DCAF6: variants seen among roughly 807,000 people sequenced by gnomAD.
DCAF6 encodes the protein DDB1 and CUL4 associated factor 6, also known as DDB1- and CUL4-associated factor 6.
DCAF6 carries 54 observed loss-of-function variants against 125.1 expected under a neutral mutation model. The ratio of observed to expected loss-of-function variants is 0.43; its 90% CI spans 0.35 to 0.54. The LOEUF (loss-of-function observed/expected upper bound fraction) is 0.54. Among genes scored for constraint, DCAF6 ranks in the 20% least tolerant of loss-of-function variants. The pLI is 0.01. For synonymous variants in DCAF6, 371 were observed against 390.4 expected, an observed-to-expected ratio of 0.95 and a Z score of 0.58; for missense variants, 934 against 1,161.7, an observed-to-expected ratio of 0.80 and a Z score of 2.85.
chr1:168,029,996 AAAG>A (rs1686858145), intron 12 of DCAF6, among the ~76,000 whole-genome samples: 1 of 151,976 alleles, frequency 6.6e-6, no homozygotes, highest in South Asian at 2.1e-4. Flanking sequence ...AAAAAAAAGA[AAAG>A]AAACATGTCT....
chr1:168,008,489 C>G (rs1683680830), intron 10 of DCAF6, among the ~76,000 whole-genome samples: 1 of 152,136 alleles, frequency 6.6e-6, no homozygotes, highest in Non-Finnish European at 1.5e-5. Flanking sequence ...ATCTCACCAT[C>G]ATTTCTTGTC....
At chr1:167,972,214 T>G (rs1677441612) in intron 3 of DCAF6, among the ~76,000 whole-genome samples, 1 of 152,252 alleles carries the variant, frequency 6.6e-6, no homozygotes, top group African/African-American at 2.4e-5. Flanking sequence ...TCAGCCTTAT[T>G]GCTGTTTATC....
intron 12 of DCAF6, among the ~76,000 whole-genome samples, chr1:168,033,461 G>A (rs1399588699): frequency 2.0e-5 from 3 of 151,872 alleles, no homozygotes; most frequent in African/African-American, 7.3e-5. Flanking sequence ...GACTACAGGC[G>A]CCCGCCACCG....
the DCAF6 span, among the ~76,000 whole-genome samples, chr1:167,868,459 A>C: frequency 6.6e-6 from 1 of 152,194 alleles, no homozygotes; most frequent in African/African-American, 2.4e-5. Context: ...TACCACAAAA[A>C]CAGTTACATG....
In DCAF6 at chr1:168,004,598, A is replaced by G. The variant is rs1369796195; in HGVS notation, c.1183A>G (p.Ser395Gly). The stretch of plus-strand genomic sequence containing the variant: ...CCCATCAAGTCCTGATTTGGAAGTG[A>G]GTGAAACTGCAATGGAAGTAGATAC... ...TVPSSPDLEV[S>G]ETAMEVDTPA... The change falls in exon 10 of 22, where the codon AGT becomes GGT. Residue 395 changes from serine (S) to glycine (G), a missense_variant. Transcript: ENST00000367840. 6 of 1,612,176 alleles carry G rather than the reference A, an allele frequency of 3.7e-6. No individual in the cohort carries two copies. Among genetic ancestry groups the G allele is most frequent in the Admixed American group, 1.7e-5 (1 of 59,548 alleles).
chr1:167,900,232 CTG>C, the DCAF6 span, among the ~76,000 whole-genome samples: 1 of 152,198 alleles, frequency 6.6e-6, no homozygotes, highest in East Asian at 1.9e-4. Context: ...TTTCAAATGA[CTG>C]TAATACAATC....
intron 9 of DCAF6, 71 bp from the exon 10 acceptor site, chr1:168,004,462 C>CAT: frequency 7.0e-7 from 1 of 1,425,320 alleles, no homozygotes. Context: ...GTTTTCTGAG[C>CAT]ATATCTGTTT....
At chr1:167,951,228 A>G (rs1435048129) in intron 1 of DCAF6, among the ~76,000 whole-genome samples, 1 of 152,214 alleles carries the variant, frequency 6.6e-6, no homozygotes, top group Non-Finnish European at 1.5e-5. Flanking sequence ...AAATGAAGAA[A>G]TGTACGAGTG....
intron 10 of DCAF6, among the ~76,000 whole-genome samples, chr1:168,009,461 T>TCTCC (rs1553232969): frequency 4.3e-5 from 6 of 140,808 alleles, no homozygotes; most frequent in South Asian, 2.3e-4. Context: ...TGTCTCTCTC[T>TCTCC]CTTCCTTCCT....
intron 1 of DCAF6, among the ~76,000 whole-genome samples, chr1:167,944,817 C>T (rs1474051769): frequency 6.6e-6 from 1 of 151,948 alleles, no homozygotes; most frequent in Non-Finnish European, 1.5e-5. Context: ...TAATTGAGTC[C>T]CATTTGTCTG....
upstream of DCAF6, among the ~76,000 whole-genome samples, chr1:167,935,402 G>T (rs1258367841): frequency 2.0e-5 from 3 of 152,226 alleles, no homozygotes; most frequent in African/African-American, 7.2e-5. Flanking sequence ...GAAAGAGAAT[G>T]AGTGTTTCAT....
chr1:167,939,818 A>C (rs1216660712), intron 1 of DCAF6, among the ~76,000 whole-genome samples: 1 of 152,170 alleles, frequency 6.6e-6, no homozygotes, highest in Admixed American at 6.5e-5. Flanking sequence ...CTTCCTTTTA[A>C]AAGTCAAATT....
the DCAF6 span, among the ~76,000 whole-genome samples, chr1:167,864,473 A>C: frequency 4.1e-4 from 62 of 152,290 alleles, no homozygotes; most frequent in South Asian, 7.3e-3. Context: ...GCCAAGGCAC[A>C]CAGACCAGTT....
intron 13 of DCAF6, among the ~76,000 whole-genome samples, chr1:168,041,332 C>G (rs1343125957): frequency 1.3e-5 from 2 of 151,930 alleles, no homozygotes; most frequent in Non-Finnish European, 2.9e-5. Flanking sequence ...GAGGATTATA[C>G]CATTTGTCTT....
intron 10 of DCAF6, among the ~76,000 whole-genome samples, chr1:168,008,929 T>TTC (rs1414898068): frequency 7.4e-6 from 1 of 136,052 alleles, no homozygotes; most frequent in Non-Finnish European, 1.6e-5. Context: ...CTTGCTTGCT[T>TTC]TCTCTCTCTC....
At chr1:168,001,241 A>G (rs1054918989) in intron 7 of DCAF6, among the ~76,000 whole-genome samples, 2 of 152,132 alleles carry the variant, frequency 1.3e-5, no homozygotes, top group African/African-American at 2.4e-5. Flanking sequence ...ACAGTGAGCT[A>G]GGATGGGACC....
intron 7 of DCAF6, among the ~76,000 whole-genome samples, chr1:167,995,048 A>T (rs537756897): frequency 1.3e-5 from 2 of 152,344 alleles, no homozygotes; most frequent in Admixed American, 6.5e-5. Flanking sequence ...GAAGAAGGGT[A>T]TGATGGCTAA....
At chr1:167,877,005 T>A in the DCAF6 span, among the ~76,000 whole-genome samples, 1 of 152,038 alleles carries the variant, frequency 6.6e-6, no homozygotes, top group Non-Finnish European at 1.5e-5. Flanking sequence ...GGCACGTGAA[T>A]AAGCCAAGAC....
the DCAF6 span, chr1:167,870,488 C>T: frequency 2.3e-6 from 3 of 1,294,210 alleles, no homozygotes; most frequent in Non-Finnish European, 3.2e-6. Context: ...CACATAGAAA[C>T]CCTCCTTCTA....
Sources: allele counts gnomAD v4.1 joint callset (sites outside exome capture counted in the v4.1 genomes callset), GRCh38; gene constraint gnomAD v4.1.1; transcripts MANE v1.5; gene names NCBI Gene and HGNC (gene_info 2026-07-23, HGNC 2026-07-21).